Variants in SND1 observed in about 807,000 individuals in gnomAD.
The protein encoded by SND1 is staphylococcal nuclease and tudor domain containing 1.
SND1 carries 38 observed loss-of-function variants against 121.7 expected under a neutral mutation model. The ratio of observed to expected loss-of-function variants is 0.31; its 90% CI spans 0.24 to 0.41. SND1 has a LOEUF of 0.41. Ranked by LOEUF, SND1 falls within the 10% of genes least tolerant of loss-of-function variation. The pLI, the probability that SND1 is intolerant of heterozygous loss-of-function variation, is 1.00. For missense variants in SND1, 868 were observed against 1,184.6 expected (o/e 0.73, Z 3.92); for synonymous variants, 401 against 447.4 (o/e 0.90, Z 1.31).
At chr7:128,041,873 C>G (rs1792860533) in intron 16 of SND1, among the ~76,000 whole-genome samples, 1 of 152,198 alleles carries the variant, frequency 6.6e-6, no homozygotes, top group Non-Finnish European at 1.5e-5. Context: ...CACTACCAGC[C>G]AAGAATGCTA....
At chr7:127,804,057 C>T (rs1798185564) in intron 10 of SND1, among the ~76,000 whole-genome samples, 1 of 151,958 alleles carries the variant, frequency 6.6e-6, no homozygotes, top group Non-Finnish European at 1.5e-5. Context: ...CTAAACTAGA[C>T]AGTTCTGTTT....
At chr7:127,740,027 G>A (rs1796851423) in intron 10 of SND1, among the ~76,000 whole-genome samples, 1 of 152,178 alleles carries the variant, frequency 6.6e-6, no homozygotes, top group African/African-American at 2.4e-5. Context: ...ATAAACAGTT[G>A]CACTTCTGGC....
intron 12 of SND1, among the ~76,000 whole-genome samples, chr7:127,862,241 C>G (rs1799393062): frequency 6.6e-6 from 1 of 152,270 alleles, no homozygotes; most frequent in East Asian, 1.9e-4. Context: ...ATTTATTTCC[C>G]AAGCATGAAG....
At chr7:127,941,737 A>G (rs537780534) in intron 15 of SND1, among the ~76,000 whole-genome samples, 9 of 152,332 alleles carry the variant, frequency 5.9e-5, no homozygotes, top group African/African-American at 1.9e-4. Flanking sequence ...GACGACATTT[A>G]TGCTATATTT....
chr7:127,780,090 A>G (rs1797692945), intron 10 of SND1, among the ~76,000 whole-genome samples: 1 of 152,220 alleles, frequency 6.6e-6, no homozygotes, highest in Non-Finnish European at 1.5e-5. Flanking sequence ...TTCCTTGAAG[A>G]TCATAGACAC....
At chr7:127,997,965 T>C in intron 16 of SND1, 1 of 534,828 alleles carries the variant, frequency 1.9e-6, no homozygotes, top group Non-Finnish European at 3.8e-6. Context: ...CCTGTGCATG[T>C]ATCTGTTGTG....
At position 128,085,796 on chromosome 7, in the gene SND1, CAG is replaced by C. The variant is rs1477900776; in HGVS notation, c.2304+19_2304+20del. ...CTACGGCAACGTGAGTGTTGGGGAC[CAG>C]AGTGTTGGAGGGGCTATCAAACACA... On this transcript the variant is annotated intron_variant, in intron 20 of 23. Transcript: ENST00000354725. This position sits in a 1 kb window ranked among gnomAD's most constrained non-coding sequence, Gnocchi z 4.4. 2 of 1,610,840 alleles carry C rather than the reference CAG, an allele frequency of 1.2e-6. No homozygotes were observed. Among genetic ancestry groups the C allele is most frequent in the Non-Finnish European group, 1.7e-6 (2 of 1,177,240 alleles).
chr7:127,658,861 G>A (rs965573647), intron 1 of SND1, among the ~76,000 whole-genome samples: 2 of 152,178 alleles, frequency 1.3e-5, no homozygotes, highest in African/African-American at 4.8e-5. Flanking sequence ...GAGAAAATTG[G>A]CCAGGTTTTT....
At chr7:127,820,440 G>A (rs2116603142) in intron 11 of SND1, among the ~76,000 whole-genome samples, 1 of 152,288 alleles carries the variant, frequency 6.6e-6, no homozygotes, top group South Asian at 2.1e-4. Flanking sequence ...TCCACAGCAT[G>A]GGAGAGTTTT....
At chr7:127,893,375 C>A (rs1800052077) in intron 13 of SND1, among the ~76,000 whole-genome samples, 1 of 152,114 alleles carries the variant, frequency 6.6e-6, no homozygotes, top group Admixed American at 6.6e-5. Context: ...CATCTATGTA[C>A]ATCTTCTGAT....
intron 13 of SND1, among the ~76,000 whole-genome samples, chr7:127,890,103 A>G (rs984393003): frequency 6.6e-6 from 1 of 152,040 alleles, no homozygotes; most frequent in African/African-American, 2.4e-5. Context: ...AGATCCTCCA[A>G]ACTTTTCCCC....
At chr7:127,873,809 C>A (rs889200702) in intron 12 of SND1, among the ~76,000 whole-genome samples, 2 of 152,124 alleles carry the variant, frequency 1.3e-5, no homozygotes, top group African/African-American at 4.8e-5. Flanking sequence ...CCACACCCAG[C>A]TGGACTTTTT....
intron 14 of SND1, among the ~76,000 whole-genome samples, chr7:127,928,505 C>T (rs938345349): frequency 5.1e-5 from 7 of 136,884 alleles, no homozygotes; most frequent in Non-Finnish European, 1.1e-4. Context: ...GCCTAGGCGT[C>T]GCTTTTTTTT....
At chr7:127,997,346 T>C (rs781598833) in intron 16 of SND1, 6 of 187,064 alleles carry the variant, frequency 3.2e-5, no homozygotes, top group Non-Finnish European at 5.7e-5. Context: ...AGGTCCCACA[T>C]TGACTAAGAG....
At chr7:127,847,881 G>A (rs1220535624) in intron 12 of SND1, among the ~76,000 whole-genome samples, 1 of 152,170 alleles carries the variant, frequency 6.6e-6, no homozygotes, top group African/African-American at 2.4e-5. Context: ...AAACTTTTAT[G>A]GGTTATGGAG....
intron 16 of SND1, among the ~76,000 whole-genome samples, chr7:128,026,802 A>C (rs945040013): frequency 2.0e-5 from 3 of 152,226 alleles, no homozygotes; most frequent in African/African-American, 7.2e-5. Context: ...TTTCCAGGGC[A>C]TAGGGAATTT....
chr7:128,046,052 G>A (rs1792940215), intron 16 of SND1, among the ~76,000 whole-genome samples: 1 of 152,168 alleles, frequency 6.6e-6, no homozygotes, highest in Admixed American at 6.5e-5. Context: ...CCACCCCAAT[G>A]ATTGGCTGAG....
At chr7:127,893,687 G>A (rs1800059048) in intron 13 of SND1, among the ~76,000 whole-genome samples, 1 of 152,054 alleles carries the variant, frequency 6.6e-6, no homozygotes, top group Non-Finnish European at 1.5e-5. Context: ...AGAGAAAAGG[G>A]CAGGCTCTCT....
chr7:127,924,552 C>T (rs1001673349), intron 14 of SND1, among the ~76,000 whole-genome samples: 10 of 152,070 alleles, frequency 6.6e-5, no homozygotes, highest in African/African-American at 2.2e-4. Context: ...TAGTGCACAC[C>T]GACATCCTAA....
Sources: gnomAD v4.1 joint callset for allele counts (sites outside exome capture counted in the v4.1 genomes callset) on GRCh38, gnomAD v4.1.1 for gene constraint, Gnocchi (gnomAD v3.1) non-coding constraint, MANE v1.5 for transcripts, NCBI Gene and HGNC (gene_info 2026-07-23, HGNC 2026-07-21) for gene names.